Variants in ANKS1B observed in about 807,000 individuals in gnomAD.
The protein encoded by ANKS1B is ankyrin repeat and sterile alpha motif domain-containing protein 1B.
In ANKS1B, 36 loss-of-function variants were observed where a neutral mutation model predicts 148.3. The ratio of observed to expected loss-of-function variants is 0.24; its 90% CI spans 0.19 to 0.32. The LOEUF is 0.32. Ranked by LOEUF, ANKS1B falls within the 10% of genes least tolerant of loss-of-function variation. The pLI, the probability that ANKS1B is intolerant of heterozygous loss-of-function variation, is 1.00. For synonymous variants in ANKS1B, 542 were observed against 560.8 expected (o/e 0.97, Z 0.47); for missense variants, 1,157 against 1,542.6 (o/e 0.75, Z 4.19).
chr12:98,982,178 T>C (rs542716048), intron 17 of ANKS1B, among the ~76,000 whole-genome samples: 2 of 152,188 alleles, frequency 1.3e-5, no homozygotes, highest in Non-Finnish European at 2.9e-5. Context: ...AAGAATGCTA[T>C]AAAAATATAT....
chr12:99,326,635 T>C (rs564454720), intron 12 of ANKS1B, among the ~76,000 whole-genome samples: 2 of 152,218 alleles, frequency 1.3e-5, no homozygotes, highest in Non-Finnish European at 2.9e-5. Flanking sequence ...TGTCTGATAT[T>C]GTTACGTAAA....
intron 17 of ANKS1B, among the ~76,000 whole-genome samples, chr12:98,864,416 A>C (rs1261337699): frequency 6.6e-6 from 1 of 152,190 alleles, no homozygotes; most frequent in Non-Finnish European, 1.5e-5. Context: ...CAGTGCCCAG[A>C]TATGTGATCA....
intron 10 of ANKS1B, among the ~76,000 whole-genome samples, chr12:99,473,646 G>T (rs1231110822): frequency 6.6e-6 from 1 of 151,950 alleles, no homozygotes; most frequent in East Asian, 1.9e-4. Context: ...AAATACAACT[G>T]GCACCTCATT....
At chr12:99,329,711 T>G (rs1437533401) in intron 12 of ANKS1B, among the ~76,000 whole-genome samples, 1 of 151,918 alleles carries the variant, frequency 6.6e-6, no homozygotes, top group African/African-American at 2.4e-5. Context: ...ATATTATTAA[T>G]AGCTAAAATA....
chr12:99,404,843 A>G (rs2094495150), intron 11 of ANKS1B, among the ~76,000 whole-genome samples: 1 of 145,736 alleles, frequency 6.9e-6, no homozygotes, highest in Non-Finnish European at 1.5e-5. Context: ...AGACTACCTC[A>G]AGCTATTTAA....
intron 8 of ANKS1B, among the ~76,000 whole-genome samples, chr12:99,729,747 G>A (rs1174436854): frequency 2.6e-5 from 4 of 152,024 alleles, no homozygotes; most frequent in African/African-American, 9.7e-5. Flanking sequence ...AATACATCAT[G>A]GCAACTCTGG....
intron 12 of ANKS1B, among the ~76,000 whole-genome samples, chr12:99,300,750 T>C (rs906286175): frequency 2.6e-5 from 4 of 152,150 alleles, no homozygotes; most frequent in Non-Finnish European, 4.4e-5. Context: ...TCAGCCTTGA[T>C]CTGGTTTGGT....
intron 1 of ANKS1B, among the ~76,000 whole-genome samples, chr12:99,977,982 G>T (rs1223188605): frequency 6.6e-6 from 1 of 152,132 alleles, no homozygotes; most frequent in Non-Finnish European, 1.5e-5. Context: ...GTTGAAATTA[G>T]TCTTTTCTAA....
At position 99,742,032 on chromosome 12, in the gene ANKS1B, A is replaced by G. The variant is rs140414401; in HGVS notation, c.1128+30890T>C. The stretch of plus-strand genomic sequence containing the variant: ...AACCAAATACCATATGTTCTCACTT[A>G]TAAGTGGGAACTAAGTGATGAGAAC... On this transcript the variant is annotated intron_variant, in intron 8 of 26. Transcript: ENST00000683438. Among the ~76,000 whole-genome samples, 707 of 152,308 alleles carry G rather than the reference A, an allele frequency of 4.6e-3. 6 individuals carry two copies. Among genetic ancestry groups the G allele is most frequent in the African/African-American group, 0.016 (673 of 41,574 alleles).
intron 12 of ANKS1B, among the ~76,000 whole-genome samples, chr12:99,361,493 A>T (rs1193611396): frequency 6.6e-6 from 1 of 152,006 alleles, no homozygotes; most frequent in Non-Finnish European, 1.5e-5. Flanking sequence ...GAAAGAAGAG[A>T]AGGAAAAGTA....
At chr12:99,357,839 T>G (rs1184358734) in intron 12 of ANKS1B, among the ~76,000 whole-genome samples, 5 of 152,036 alleles carry the variant, frequency 3.3e-5, no homozygotes. Flanking sequence ...ATATTGTAAC[T>G]ACAATACATG....
At chr12:99,182,598 T>C (rs1253529880) in intron 14 of ANKS1B, among the ~76,000 whole-genome samples, 1 of 152,222 alleles carries the variant, frequency 6.6e-6, no homozygotes, top group Non-Finnish European at 1.5e-5. Flanking sequence ...TCTTGGCTAT[T>C]ATGAATAGTG....
At chr12:98,839,589 C>A (rs983843484) in intron 17 of ANKS1B, among the ~76,000 whole-genome samples, 1 of 152,128 alleles carries the variant, frequency 6.6e-6, no homozygotes, top group African/African-American at 2.4e-5. Context: ...AACTTTCTTA[C>A]CCTATCAACA....
At chr12:99,737,380 C>A (rs972518624) in intron 8 of ANKS1B, among the ~76,000 whole-genome samples, 19 of 152,046 alleles carry the variant, frequency 1.2e-4, no homozygotes, top group African/African-American at 4.3e-4. Context: ...CTGTCATTTG[C>A]AGTAACATGG....
intron 19 of ANKS1B, among the ~76,000 whole-genome samples, chr12:98,820,295 A>G (rs774014030): frequency 1.3e-4 from 20 of 152,198 alleles, no homozygotes; most frequent in Non-Finnish European, 2.1e-4. Flanking sequence ...AAGCCACATA[A>G]ATGCTCCATG....
chr12:99,781,697 T>C (rs1483477087), intron 5 of ANKS1B, among the ~76,000 whole-genome samples: 1 of 152,200 alleles, frequency 6.6e-6, no homozygotes, highest in Non-Finnish European at 1.5e-5. Flanking sequence ...TGAAAATTTC[T>C]CAAGGATCAA....
Position 98,782,154 on chromosome 12 carries a change from T to A in ANKS1B, c.3343-17A>T. The A allele has an allele frequency of 6.3e-7, 1 of 1,595,440 alleles. No homozygotes were observed. On this transcript the variant is annotated splice_polypyrimidine_tract_variant and intron_variant, in intron 22 of 26. Transcript: ENST00000683438. ...ACAGTTAGCCTGGTGGATTTTCCAGTTAAGACAGATGGGAACATAATAGGA... is the reference window on the plus strand; with the variant it reads ...ACAGTTAGCCTGGTGGATTTTCCAGATAAGACAGATGGGAACATAATAGGA...
At chr12:99,079,447 G>T (rs770899864) in intron 16 of ANKS1B, among the ~76,000 whole-genome samples, 9 of 152,148 alleles carry the variant, frequency 5.9e-5, no homozygotes, top group Non-Finnish European at 1.2e-4. Flanking sequence ...GAACTCAGAA[G>T]TAAAGGGCCA....
rs772273782 is a variant in ANKS1B, at chr12:99,648,227, T to C, written c.1272+6840A>G. 1 of 1,614,164 alleles carries C rather than the reference T, an allele frequency of 6.2e-7. No homozygotes were observed. The highest frequency in any genetic ancestry group is 8.5e-7 in the Non-Finnish European group (1 of 1,180,028). On this transcript the variant is annotated intron_variant, in intron 9 of 26. Transcript: ENST00000683438. ...TACACGGCCCAAAGCAGCCCCGCAA[T>C]GGGCATGTTTAACACCTCCATGGGG...
Sources: allele counts gnomAD v4.1 joint callset (sites outside exome capture counted in the v4.1 genomes callset), GRCh38; gene constraint gnomAD v4.1.1; transcripts MANE v1.5; gene names NCBI Gene and HGNC (gene_info 2026-07-23, HGNC 2026-07-21).